The following CAMTA1 variants were observed in gnomAD, a reference collection of about 807,000 sequenced individuals.
The protein encoded by CAMTA1 is calmodulin binding transcription activator 1, also known as calmodulin-binding transcription activator 1.
In CAMTA1, 27 loss-of-function variants were observed where a neutral mutation model predicts 170.9. The ratio of observed to expected loss-of-function variants is 0.16; its 90% CI spans 0.12 to 0.22. The LOEUF (loss-of-function observed/expected upper bound fraction) is 0.22, where lower values mean the gene tolerates loss of function less well. CAMTA1 is among the 10% of genes least tolerant of loss of function. CAMTA1 has a pLI of 1.00. For synonymous variants in CAMTA1, 833 were observed against 891.5 expected, an observed-to-expected ratio of 0.93 and a Z score of 1.17; for missense variants, 1,619 against 2,217.2, an observed-to-expected ratio of 0.73 and a Z score of 5.42.
At chr1:6,956,750 G>C (rs1689523004) in intron 3 of CAMTA1, among the ~76,000 whole-genome samples, 1 of 152,160 alleles carries the variant, frequency 6.6e-6, no homozygotes, top group Non-Finnish European at 1.5e-5. Flanking sequence ...TAAAAACAAA[G>C]GGCTCAGTGT....
rs1416423009 is a variant in CAMTA1 at position 7,249,018 on chromosome 1, C to T, written c.303-473C>T. ...TGGCCTCGGTGAACAGCTCTGCCAT[C>T]GGTCTGTTCTTAACATAGTCATCTA... On this transcript the variant is annotated intron_variant, in intron 4 of 22. Transcript: ENST00000303635. This position sits in a 1 kb window ranked among gnomAD's most constrained non-coding sequence, Gnocchi z 4.4. Among the ~76,000 whole-genome samples, 7 of 152,316 alleles carry T rather than the reference C, an allele frequency of 4.6e-5. 1 individual carries two copies. Among genetic ancestry groups the T allele is most frequent in the Non-Finnish European group, 5.9e-5 (4 of 68,030 alleles).
rs973537330 is a variant in CAMTA1, at chr1:7,575,965, C to T, written c.511-64435C>T. Reference sequence around the variant, plus strand: ...CGATCAAGGAAATGGAGCAAGGAGGCGGGCCTGACTGCAGGAGGCTCAGCA... The same window carrying T: ...CGATCAAGGAAATGGAGCAAGGAGGTGGGCCTGACTGCAGGAGGCTCAGCA... On this transcript the variant is annotated intron_variant, in intron 6 of 22. Coordinates refer to ENST00000303635, the MANE Select transcript of CAMTA1 (RefSeq NM_015215.4). Among the ~76,000 whole-genome samples, 9 of 152,192 alleles carry T rather than the reference C, an allele frequency of 5.9e-5. No individual in the cohort carries two copies. In the South Asian group the frequency reaches 8.3e-4, roughly 14 times the overall value.
chr1:7,398,732 G>A (rs2089648319), intron 5 of CAMTA1, among the ~76,000 whole-genome samples: 1 of 151,652 alleles, frequency 6.6e-6, no homozygotes, highest in Non-Finnish European at 1.5e-5. Flanking sequence ...CTCTCTTATT[G>A]TTTACCTTTG....
intron 3 of CAMTA1, among the ~76,000 whole-genome samples, chr1:6,845,145 A>G (rs1181992495): frequency 6.6e-6 from 1 of 152,152 alleles, no homozygotes; most frequent in Non-Finnish European, 1.5e-5. Flanking sequence ...CTAGAACGGG[A>G]CCACAAAGGA....
At chr1:7,356,804 C>T (rs1000363113) in intron 5 of CAMTA1, among the ~76,000 whole-genome samples, 8 of 152,194 alleles carry the variant, frequency 5.3e-5, no homozygotes, top group Non-Finnish European at 7.3e-5. Context: ...ACTGACCAAC[C>T]GAGGACAAAT....
At chr1:7,567,837 C>T (rs569610980) in intron 6 of CAMTA1, among the ~76,000 whole-genome samples, 3 of 152,286 alleles carry the variant, frequency 2.0e-5, no homozygotes, top group African/African-American at 7.2e-5. Context: ...GAGAAAACTC[C>T]GGTCCCAAAC....
chr1:6,942,794 T>A (rs1686867431), intron 3 of CAMTA1, among the ~76,000 whole-genome samples: 1 of 152,258 alleles, frequency 6.6e-6, no homozygotes, highest in Non-Finnish European at 1.5e-5. Flanking sequence ...TGAGTGGCCC[T>A]GTACCCCTGT....
At chr1:7,620,870 C>T (rs757623820) in intron 6 of CAMTA1, among the ~76,000 whole-genome samples, 4 of 152,124 alleles carry the variant, frequency 2.6e-5, no homozygotes, top group Admixed American at 1.3e-4. Context: ...AGGTTTAGCT[C>T]GAGAAATTGA....
intron 4 of CAMTA1, among the ~76,000 whole-genome samples, chr1:7,130,048 C>T (rs567941489): frequency 4.9e-4 from 75 of 152,074 alleles, no homozygotes; most frequent in Admixed American, 7.2e-4. Flanking sequence ...GCCATTCTCC[C>T]GCCTCAGCCC....
chr1:6,950,826 G>A (rs1451325959), intron 3 of CAMTA1, among the ~76,000 whole-genome samples: 1 of 152,168 alleles, frequency 6.6e-6, no homozygotes, highest in Admixed American at 6.5e-5. Context: ...CCACTGGGGA[G>A]AAGTAGGACC....
chr1:7,737,573 A>G lies in CAMTA1; in HGVS notation c.3658+3A>G. On this transcript the variant is annotated splice_donor_region_variant and intron_variant, in intron 15 of 22. Transcript: ENST00000303635. ...TGTTATTGCAAGCACCAACCCAGGT[A>G]AGAATTCAGAATCATGACATCTCAG... 1 of 1,597,558 alleles carries G rather than the reference A, an allele frequency of 6.3e-7. No homozygotes were observed. The highest frequency in any genetic ancestry group is 8.5e-7 in the Non-Finnish European group (1 of 1,170,436).
intron 4 of CAMTA1, among the ~76,000 whole-genome samples, chr1:7,246,965 G>C (rs2149289750): frequency 6.6e-6 from 1 of 152,144 alleles, no homozygotes; most frequent in Middle Eastern, 3.4e-3. Context: ...TTCTTTTCTG[G>C]GACGGCAGTA....
chr1:7,373,005 G>A (rs1036575315), intron 5 of CAMTA1, among the ~76,000 whole-genome samples: 1 of 152,226 alleles, frequency 6.6e-6, no homozygotes, highest in Non-Finnish European at 1.5e-5. Flanking sequence ...TGTCACCGTA[G>A]AAGCTCCACA....
intron 5 of CAMTA1, among the ~76,000 whole-genome samples, chr1:7,442,115 C>T (rs2092557813): frequency 6.6e-6 from 1 of 152,160 alleles, no homozygotes; most frequent in Non-Finnish European, 1.5e-5. Context: ...TTCTACTCTC[C>T]CAGTTCTTCC....
At chr1:7,590,508 G>A (rs2095347537) in intron 6 of CAMTA1, among the ~76,000 whole-genome samples, 1 of 152,226 alleles carries the variant, frequency 6.6e-6, no homozygotes, top group Non-Finnish European at 1.5e-5. Context: ...TCTCTGATTT[G>A]AGACAGTCTG....
At position 7,664,099 on chromosome 1, in the gene CAMTA1, G is replaced by A. The variant is rs140699847; in HGVS notation, c.1552G>A (p.Gly518Arg). 8.1e-6 allele frequency: 13 copies of A among 1,613,346 alleles called. No individual in the cohort carries two copies. Among genetic ancestry groups the A allele is most frequent in the Admixed American group, 5.0e-5 (3 of 60,006 alleles). ...CTCCAACATCCGGCACTCGCCACCCGGGGAGCGGAGCTTCAGCTTTACCAC... is the reference window on the plus strand; with the variant it reads ...CTCCAACATCCGGCACTCGCCACCCAGGGAGCGGAGCTTCAGCTTTACCAC... ...VSSNIRHSPP[G>R]ERSFSFTTVL... Residue 518 changes from glycine (G) to arginine (R), a missense_variant, in exon 9 of 23, where the codon GGG (glycine) becomes AGG (arginine). This residue lies in a region of CAMTA1 where 731 missense variants were observed against 907.6 expected (regional missense o/e 0.81). Coordinates refer to ENST00000303635, the MANE Select transcript of CAMTA1 (RefSeq NM_015215.4).
chr1:7,313,082 C>A (rs1009620159), intron 5 of CAMTA1, among the ~76,000 whole-genome samples: 1 of 152,156 alleles, frequency 6.6e-6, no homozygotes, highest in African/African-American at 2.4e-5. Context: ...TCCCACCCCC[C>A]AGAACTACTA....
intron 3 of CAMTA1, among the ~76,000 whole-genome samples, chr1:6,878,301 G>C (rs1670501140): frequency 6.6e-6 from 1 of 152,210 alleles, no homozygotes; most frequent in Admixed American, 6.5e-5. Flanking sequence ...ATACATCAAA[G>C]TTATGTCCCA....
At chr1:6,916,982 CTGTG>C (rs1227045251) in intron 3 of CAMTA1, among the ~76,000 whole-genome samples, 1 of 152,120 alleles carries the variant, frequency 6.6e-6, no homozygotes, top group East Asian at 1.9e-4. Flanking sequence ...CCCACGTAGT[CTGTG>C]TGGGGTGGGT....
Sources: gnomAD v4.1 joint callset for allele counts (sites outside exome capture counted in the v4.1 genomes callset) on GRCh38, gnomAD v4.1.1 for gene constraint, gnomAD v4.1.1 regional missense constraint, Gnocchi (gnomAD v3.1) non-coding constraint, MANE v1.5 for transcripts, NCBI Gene and HGNC (gene_info 2026-07-23, HGNC 2026-07-21) for gene names.